The following AKR1C2 variants were observed in gnomAD, a reference collection of about 807,000 sequenced individuals.
AKR1C2 encodes the protein aldo-keto reductase family 1 member C2.
AKR1C2 carries 27 observed loss-of-function variants against 39.8 expected under a neutral mutation model. The ratio of observed to expected loss-of-function variants is 0.68; its 90% CI spans 0.50 to 0.93. The LOEUF is 0.93. Ranked by LOEUF, AKR1C2 falls within the 40% of genes least tolerant of loss-of-function variation. The pLI, the probability that AKR1C2 is intolerant of heterozygous loss-of-function variation, is 0.00. For synonymous variants in AKR1C2, 114 were observed against 137.9 expected, an observed-to-expected ratio of 0.83 and a Z score of 1.22; for missense variants, 263 against 365.1, an observed-to-expected ratio of 0.72 and a Z score of 2.28.
intron 1 of AKR1C2, 29 bp downstream of exon 1, chr10:5,003,723 A>G (rs782176467): frequency 6.3e-7 from 1 of 1,599,858 alleles, no homozygotes; most frequent in Admixed American, 1.7e-5. Context: ...GCTCCTTTGA[A>G]CTCTCAACAC....
chr10:4,992,777 C>T (rs1836884998), intron 7 of AKR1C2, among the ~76,000 whole-genome samples: 1 of 152,146 alleles, frequency 6.6e-6, no homozygotes, highest in Non-Finnish European at 1.5e-5. Context: ...ACAGTGAAAC[C>T]CGTCTCTACT....
chr10:5,009,621 C>T (rs1837478340), intron 1 of AKR1C2, among the ~76,000 whole-genome samples: 1 of 146,732 alleles, frequency 6.8e-6, no homozygotes, highest in African/African-American at 2.5e-5. Context: ...CAAAGGCCCC[C>T]ACCTTTAAGC....
chr10:4,992,679 G>A (rs541875529), intron 7 of AKR1C2, among the ~76,000 whole-genome samples: 6 of 147,550 alleles, frequency 4.1e-5, no homozygotes, highest in South Asian at 4.1e-4. Context: ...TGCCGGGCAC[G>A]TTGGCTCACG....
rs1554773842 is a variant in AKR1C2 at position 5,001,624 on chromosome 10, G to A, written c.142C>T (p.His48Tyr). The change falls in exon 2 of 9, where the codon CAT (histidine) becomes TAT (tyrosine). Residue 48 changes from histidine to tyrosine, a missense_variant. By Grantham distance (83) the His-to-Tyr change is moderately conservative. Coordinates refer to ENST00000380753, the MANE Select transcript of AKR1C2 (RefSeq NM_001393392.1). ...TTGTAAACATGTGCAGAATCAATATGGTGGAACCCGGCTTCTATTGCCAAT... is the reference window on the plus strand; with the variant it reads ...TTGTAAACATGTGCAGAATCAATATAGTGGAACCCGGCTTCTATTGCCAAT... ...VKLAIEAGFH[H>Y]IDSAHVYNNE... 2 of 1,614,008 alleles carry A rather than the reference G, an allele frequency of 1.2e-6. No homozygotes were observed. Among genetic ancestry groups the A allele is most frequent in the Non-Finnish European group, 1.7e-6 (2 of 1,179,890 alleles).
chr10:5,002,078 A>T (rs551976085), intron 1 of AKR1C2, among the ~76,000 whole-genome samples: 3 of 152,364 alleles, frequency 2.0e-5, no homozygotes, highest in African/African-American at 7.2e-5. Flanking sequence ...AGCTCCTGTG[A>T]TTCCTCTCCC....
intron 1 of AKR1C2, among the ~76,000 whole-genome samples, chr10:5,011,324 T>C (rs1453683767): frequency 1.3e-5 from 2 of 152,260 alleles, no homozygotes; most frequent in Non-Finnish European, 2.9e-5. Context: ...AATTATTGGG[T>C]AAATACAATG....
At chr10:5,012,054 G>A (rs1837535097) in intron 1 of AKR1C2, among the ~76,000 whole-genome samples, 1 of 152,092 alleles carries the variant, frequency 6.6e-6, no homozygotes, top group African/African-American at 2.4e-5. Flanking sequence ...AATCCTGGGA[G>A]AAAGGGTAAA....
chr10:5,016,547 C>G (rs1315348555), intron 1 of AKR1C2, among the ~76,000 whole-genome samples: 1 of 152,242 alleles, frequency 6.6e-6, no homozygotes, highest in Non-Finnish European at 1.5e-5. Flanking sequence ...GCAGCTCTAC[C>G]TCTGTGGCTA....
intron 7 of AKR1C2, among the ~76,000 whole-genome samples, chr10:4,994,244 C>T (rs1299188410): frequency 7.7e-5 from 11 of 142,586 alleles, no homozygotes; most frequent in African/African-American, 2.9e-4. Context: ...TGTATGAATT[C>T]TTGAGAATAT....
chr10:5,002,958 T>G (rs1230885457), intron 1 of AKR1C2, among the ~76,000 whole-genome samples: 1 of 152,230 alleles, frequency 6.6e-6, no homozygotes, highest in Non-Finnish European at 1.5e-5. Context: ...AGATGAGAAA[T>G]GTGAGACTCA....
rs180720395 is a variant in AKR1C2, at chr10:4,988,579, T to C, written c.*1417A>G. Reference sequence around the variant, plus strand: ...TCTTCCAATTTTATAGAATAAGTAATTTACAGAAAAATTGTGAGCTGCAAA... The same window carrying C: ...TCTTCCAATTTTATAGAATAAGTAACTTACAGAAAAATTGTGAGCTGCAAA... On this transcript the variant is annotated 3_prime_UTR_variant, in exon 9 of 9. Coordinates refer to ENST00000380753, the MANE Select transcript of AKR1C2 (RefSeq NM_001393392.1). The C allele has an allele frequency of 6.6e-6, 1 of 152,278 alleles. No homozygotes were observed. Among genetic ancestry groups the C allele is most frequent in the Non-Finnish European group, 1.5e-5 (1 of 68,014 alleles). The allele number at this position is 152,278 out of a possible 1,614,324, so 9.4% of individuals were successfully genotyped here.
intron 5 of AKR1C2, among the ~76,000 whole-genome samples, chr10:4,996,973 G>T (rs547777198): frequency 6.6e-6 from 1 of 152,100 alleles, no homozygotes; most frequent in Admixed American, 6.5e-5. Context: ...AATTTGTCAT[G>T]GGAATATGAC....
chr10:5,007,241 C>T (rs868921201), upstream of AKR1C2, among the ~76,000 whole-genome samples: 5 of 140,430 alleles, frequency 3.6e-5, 1 homozygote, highest in Non-Finnish European at 6.3e-5. Context: ...AAAGACCTCT[C>T]GTAAAGGTAG....
intron 1 of AKR1C2, among the ~76,000 whole-genome samples, chr10:5,012,869 T>C (rs192362947): frequency 7.9e-5 from 12 of 152,338 alleles, no homozygotes; most frequent in African/African-American, 2.9e-4. Context: ...GCATGCTGTT[T>C]TTTCTGTCAT....
rs1164536267 is a variant in AKR1C2 at position 4,989,303 on chromosome 10, T to C, written c.*693A>G. 6.6e-6 allele frequency: 1 copy of C among 152,196 alleles called. No individual in the cohort carries two copies. Among genetic ancestry groups the C allele is most frequent in the Non-Finnish European group, 1.5e-5 (1 of 68,060 alleles). The allele number at this position is 152,196 out of a possible 1,614,324, so 9.4% of individuals were successfully genotyped here. ...AAACAATGTGGAAAGTTTTCTTTTA[T>C]GAACAAGATATAATGATCAAAAAAA... On this transcript the variant is annotated 3_prime_UTR_variant, in exon 9 of 9. Transcript: ENST00000380753.
intron 7 of AKR1C2, among the ~76,000 whole-genome samples, chr10:4,993,540 T>A (rs1180731611): frequency 1.3e-5 from 2 of 152,094 alleles, no homozygotes; most frequent in African/African-American, 2.4e-5. Flanking sequence ...TTTTGTAAGA[T>A]AACACAGTAA....
upstream of AKR1C2, chr10:5,003,906 G>A (rs1377512662): frequency 8.3e-6 from 12 of 1,447,160 alleles, no homozygotes; most frequent in African/African-American, 4.2e-5. Flanking sequence ...AGCTGGCAAC[G>A]CCCCTGAGCA....
At chr10:5,001,168 T>C (rs541371722) in intron 2 of AKR1C2, among the ~76,000 whole-genome samples, 1 of 152,228 alleles carries the variant, frequency 6.6e-6, no homozygotes, top group Admixed American at 6.5e-5. Flanking sequence ...AAAATGACAA[T>C]GGAAACTCAG....
At chr10:5,011,863 G>A (rs1837530129) in intron 1 of AKR1C2, among the ~76,000 whole-genome samples, 1 of 152,204 alleles carries the variant, frequency 6.6e-6, no homozygotes, top group Admixed American at 6.5e-5. Context: ...TTAGTATGAA[G>A]TGTGTTAAAG....
Sources: allele counts gnomAD v4.1 joint callset (sites outside exome capture counted in the v4.1 genomes callset), GRCh38; gene constraint gnomAD v4.1.1; transcripts MANE v1.5; gene names NCBI Gene and HGNC (gene_info 2026-07-23, HGNC 2026-07-21).